The following ADAP1 variants were observed in gnomAD, a reference collection of about 807,000 sequenced individuals.
ADAP1 encodes the protein arf-GAP with dual PH domain-containing protein 1.
ADAP1 carries 31 observed loss-of-function variants against 54.9 expected under a neutral mutation model. That is an observed-to-expected ratio of 0.56 (90% CI 0.42 to 0.76). The LOEUF is 0.76. Ranked by LOEUF, ADAP1 falls within the 30% of genes least tolerant of loss-of-function variation. The pLI is 0.00. For missense variants in ADAP1, 535 were observed against 512.4 expected (o/e 1.04, Z -0.42); for synonymous variants, 313 against 202.6 (o/e 1.55, Z -4.63).
At position 945,286 on chromosome 7, in the gene ADAP1, C is replaced by T. The variant is rs993369013; in HGVS notation, c.82+9110G>A. On this transcript the variant is annotated intron_variant, in intron 1 of 10. Transcript: ENST00000265846. The surrounding 1 kb of genome is among the most constrained non-coding windows in gnomAD (Gnocchi z 4.2). ...AGCGAAAAGGGGCGGGGCACGCACT[C>T]TCAGAGACCCTCCAGGGTGGAAGGG... Among the ~76,000 whole-genome samples the T allele has an allele frequency of 6.6e-6, 1 of 152,198 alleles. No homozygotes were observed. Among genetic ancestry groups the T allele is most frequent in the African/African-American group, 2.4e-5 (1 of 41,468 alleles).
In ADAP1 at chr7:935,473, A is replaced by G. The variant is rs1846723182; in HGVS notation, c.115T>C (p.Phe39Leu). ...ATTCCCGAGCAGCTCAGGCAGATGA[A>G]GACGCCCAGAGTGTAGGAGGCCCAG... ...PDWASYTLGVFICLSCSGIHR... is the reference protein window; with the variant it reads ...PDWASYTLGVLICLSCSGIHR... The change falls in exon 2 of 11, where the codon TTC becomes CTC. Residue 39 changes from phenylalanine to leucine, a missense_variant. Transcript: ENST00000265846. 1 of 1,563,156 alleles carries G rather than the reference A, an allele frequency of 6.4e-7. No individual in the cohort carries two copies.
intron 4 of ADAP1, among the ~76,000 whole-genome samples, chr7:909,455 G>A (rs920968472): frequency 1.3e-5 from 2 of 152,188 alleles, no homozygotes; most frequent in African/African-American, 4.8e-5. Context: ...GCGCCAGGAC[G>A]CCGCATTCCA....
At chr7:916,086 C>T (rs1026897002) in intron 4 of ADAP1, among the ~76,000 whole-genome samples, 14 of 152,220 alleles carry the variant, frequency 9.2e-5, no homozygotes, top group African/African-American at 3.1e-4. Context: ...TAGGGCGCCA[C>T]GTTTCCCAAG....
Position 937,610 on chromosome 7 carries a change from G to A in ADAP1, c.83-2105C>T, listed in dbSNP as rs573769313. On this transcript the variant is annotated intron_variant, in intron 1 of 10. Transcript: ENST00000265846. Reference sequence around the variant, plus strand: ...CTCTGGGATTTGGGGGTCACGCCCGGCCTCTGGGATTTGGGGGTCACGCCC... The same window carrying A: ...CTCTGGGATTTGGGGGTCACGCCCGACCTCTGGGATTTGGGGGTCACGCCC... Among the ~76,000 whole-genome samples, 108 of 82,400 alleles carry A rather than the reference G, an allele frequency of 1.3e-3. No individual in the cohort carries two copies. In the East Asian group the frequency reaches 0.077, roughly 59 times the overall value. 54.1% of individuals were successfully genotyped at this position (82,400 alleles called of 152,430 possible).
At position 899,408 on chromosome 7, in the gene ADAP1, C is replaced by G. The variant is rs756545112; in HGVS notation, c.867+11G>C. ...CTGCCCTCCCGTGCTGGGGCCACAG[C>G]TCCTCCTTACCAGGGGGTCTTTGAA... On this transcript the variant is annotated intron_variant, in intron 9 of 10. Coordinates refer to ENST00000265846, the MANE Select transcript of ADAP1 (RefSeq NM_006869.4). The G allele has an allele frequency of 2.0e-5, 32 of 1,612,788 alleles. No homozygotes were observed. The South Asian group carries it at 2.7e-4, about 14-fold the overall frequency.
At chr7:940,715 C>A (rs564012311) in intron 1 of ADAP1, among the ~76,000 whole-genome samples, 1 of 152,054 alleles carries the variant, frequency 6.6e-6, no homozygotes, top group Non-Finnish European at 1.5e-5. Flanking sequence ...CAAGGGAAAT[C>A]AAAATGTAGG....
In ADAP1 at chr7:920,959, G is replaced by GA; in HGVS notation, c.306-910_306-909insT. The GA allele has an allele frequency of 3.2e-6, 4 of 1,234,238 alleles. No homozygotes were observed. The highest frequency in any genetic ancestry group is 4.6e-6 in the Non-Finnish European group (4 of 878,264). The allele number at this position is 1,234,238 out of a possible 1,614,324, so 76.5% of individuals were successfully genotyped here. On this transcript the variant is annotated intron_variant, in intron 3 of 10. Coordinates refer to ENST00000265846, the MANE Select transcript of ADAP1 (RefSeq NM_006869.4). This position sits in a 1 kb window ranked among gnomAD's most constrained non-coding sequence, Gnocchi z 4.5. ...ACGTGAACAGCCTTGGAGACTGGGC[G>GA]GGAATCCTCGCCCACAGGATCTGAT...
intron 6 of ADAP1, among the ~76,000 whole-genome samples, chr7:902,131 G>A (rs903421476): frequency 4.0e-5 from 6 of 151,210 alleles, no homozygotes; most frequent in African/African-American, 1.5e-4. Flanking sequence ...ACACCAGCCT[G>A]ACCAACATGG....
intron 6 of ADAP1, among the ~76,000 whole-genome samples, chr7:901,840 G>C (rs977292849): frequency 1.7e-5 from 2 of 120,086 alleles, no homozygotes; most frequent in African/African-American, 3.2e-5. Context: ...AGCTGAACCC[G>C]TCCACACCAC....
intron 4 of ADAP1, among the ~76,000 whole-genome samples, chr7:917,715 G>A (rs1002771217): frequency 1.1e-4 from 16 of 152,218 alleles, no homozygotes; most frequent in African/African-American, 1.2e-4. Flanking sequence ...CCATCCGCCC[G>A]CCTAGGCCTC....
At chr7:908,658 C>A (rs1186999994) in intron 4 of ADAP1, among the ~76,000 whole-genome samples, 1 of 152,252 alleles carries the variant, frequency 6.6e-6, no homozygotes, top group Non-Finnish European at 1.5e-5. Flanking sequence ...GGTGTCCCCA[C>A]GGCTCTGCCT....
At chr7:901,045 G>A (rs941030329) in intron 6 of ADAP1, 6 of 472,260 alleles carry the variant, frequency 1.3e-5, no homozygotes, top group South Asian at 6.2e-5. Flanking sequence ...GGGGTGGTGG[G>A]AGAAGGGAGG....
rs1050799917 is a variant in ADAP1 at position 898,476 on chromosome 7, G to C, written c.*445C>G. 4.0e-6 allele frequency: 1 copy of C among 251,656 alleles called. No individual in the cohort carries two copies. Among genetic ancestry groups the C allele is most frequent in the African/African-American group, 2.2e-5 (1 of 44,718 alleles). 15.6% of individuals were successfully genotyped at this position (251,656 alleles called of 1,614,324 possible). A position where few individuals can be genotyped will look rare whatever the true frequency, so the allele number is the denominator to read the frequency against. On this transcript the variant is annotated 3_prime_UTR_variant, in exon 11 of 11. Transcript: ENST00000265846. ...GCTCAATAAATAGTCGTGGAGGTGG[G>C]GGGAGGGCGGGGCGGCATGCGAGCA...
intron 1 of ADAP1, among the ~76,000 whole-genome samples, chr7:939,859 C>T (rs943089037): frequency 2.0e-5 from 3 of 150,788 alleles, no homozygotes; most frequent in African/African-American, 7.3e-5. Flanking sequence ...TTGCCAATGT[C>T]TGCTTAGAGG....
intron 1 of ADAP1, among the ~76,000 whole-genome samples, chr7:952,122 T>G (rs1056526640): frequency 1.3e-5 from 2 of 151,890 alleles, no homozygotes; most frequent in African/African-American, 4.8e-5. Context: ...AGGCCTGTGA[T>G]GAGAGGCTCT....
At chr7:925,853 G>A (rs1298641220) in intron 3 of ADAP1, among the ~76,000 whole-genome samples, 1 of 152,250 alleles carries the variant, frequency 6.6e-6, no homozygotes, top group Non-Finnish European at 1.5e-5. Flanking sequence ...GGAGGGCGGT[G>A]CCCAGTGAGG....
intron 1 of ADAP1, among the ~76,000 whole-genome samples, chr7:948,536 T>C (rs1847197405): frequency 6.6e-6 from 1 of 152,072 alleles, no homozygotes; most frequent in East Asian, 1.9e-4. Context: ...CATCTCCAGG[T>C]GCCACGACCC....
chr7:954,821 A>G, upstream of ADAP1: 1 of 683,728 alleles, frequency 1.5e-6, no homozygotes, highest in Non-Finnish European at 1.8e-6. Context: ...ACCCGCTGGG[A>G]AATCGCCCGC....
Position 899,765 on chromosome 7 carries a change from C to T in ADAP1, c.796-275G>A, listed in dbSNP as rs531218019. On this transcript the variant is annotated intron_variant, in intron 8 of 10. Transcript: ENST00000265846. Reference sequence around the variant, plus strand: ...TCACTTACGAGCCCTCACACCTGCACTTCTCCTCCGGGACCACCAAGACTC... The same window carrying T: ...TCACTTACGAGCCCTCACACCTGCATTTCTCCTCCGGGACCACCAAGACTC... Among the ~76,000 whole-genome samples the T allele has an allele frequency of 3.3e-4, 50 of 151,886 alleles. No individual in the cohort carries two copies. The Middle Eastern group carries it at 0.01, about 31-fold the overall frequency.
Sources: gnomAD v4.1 joint callset for allele counts (sites outside exome capture counted in the v4.1 genomes callset) on GRCh38, gnomAD v4.1.1 for gene constraint, Gnocchi (gnomAD v3.1) non-coding constraint, MANE v1.5 for transcripts, NCBI Gene and HGNC (gene_info 2026-07-23, HGNC 2026-07-21) for gene names.